Variants in CYP4F12 observed in about 807,000 individuals in gnomAD.
CYP4F12 encodes cytochrome P450 4F12.
Under a neutral mutation model 56.5 loss-of-function variants are expected in CYP4F12, and 60 were observed. That is an observed-to-expected ratio of 1.06 (90% CI 0.86 to 1.32). The LOEUF (loss-of-function observed/expected upper bound fraction) is 1.32. Among genes scored for constraint, CYP4F12 ranks in the 40% most tolerant of loss-of-function variants. The pLI, the probability that CYP4F12 is intolerant of heterozygous loss-of-function variation, is 0.00. For missense variants in CYP4F12, 711 were observed against 683.5 expected (o/e 1.04, Z -0.45); for synonymous variants, 263 against 264.9 (o/e 0.99, Z 0.07).
intron 6 of CYP4F12, among the ~76,000 whole-genome samples, chr19:15,683,172 C>CTGAGT (rs1276720961): frequency 6.6e-6 from 1 of 151,850 alleles, no homozygotes; most frequent in Non-Finnish European, 1.5e-5. Flanking sequence ...AGGATGAAGT[C>CTGAGT]TGAGTTGTGT....
intron 3 of CYP4F12, among the ~76,000 whole-genome samples, chr19:15,679,021 A>G (rs2007138661): frequency 6.6e-6 from 1 of 152,202 alleles, no homozygotes; most frequent in African/African-American, 2.4e-5. Context: ...TATGGGCTTC[A>G]GGATTCTCCA....
At chr19:15,673,812 TTGA>T in intron 2 of CYP4F12, 85 bp downstream of exon 2, 2 of 1,489,078 alleles carry the variant, frequency 1.3e-6, no homozygotes, top group Admixed American at 3.7e-5. Context: ...GAGCTAGGTA[TTGA>T]TGGTGGCTGG....
At position 15,684,595 on chromosome 19, in the gene CYP4F12, C is replaced by T. The variant is rs928235154; in HGVS notation, c.919-221C>T. On this transcript the variant is annotated intron_variant, in intron 7 of 12. Transcript: ENST00000550308. The stretch of plus-strand genomic sequence containing the variant: ...ACCATTGATTCCTGTCACCAGGGTC[C>T]AAAGAGGAGGCAAAGGATCTGGGGG... The T allele has an allele frequency of 1.9e-5, 9 of 477,744 alleles. No individual in the cohort carries two copies. In the Admixed American group the frequency reaches 2.6e-4, roughly 14 times the overall value. 29.6% of individuals were successfully genotyped at this position (477,744 alleles called of 1,614,324 possible). A position where few individuals can be genotyped will look rare whatever the true frequency, so the allele number is the denominator to read the frequency against.
At chr19:15,683,822 G>C in intron 7 of CYP4F12, 59 bp downstream of exon 7, 4 of 1,486,312 alleles carry the variant, frequency 2.7e-6, no homozygotes, top group Non-Finnish European at 3.6e-6. Flanking sequence ...TCAAATGTCA[G>C]GTGAAATAAA....
In CYP4F12 at chr19:15,696,917, C is replaced by T. The variant is rs374923776; in HGVS notation, c.1407C>T (p.Ile469=). ...IPFSAGPRNC[I]GQAFAMAEMK... ...CCACTCCCGCCTGCAGGAACTGCATCGGGCAGGCGTTCGCCATGGCGGAGA... is the reference window on the plus strand; with the variant it reads ...CCACTCCCGCCTGCAGGAACTGCATTGGGCAGGCGTTCGCCATGGCGGAGA... The change falls in exon 13 of 13, where the codon ATC becomes ATT. Residue 469 remains isoleucine, a synonymous_variant. Transcript: ENST00000550308. 1.7e-5 allele frequency: 27 copies of T among 1,612,248 alleles called. No homozygotes were observed. The highest frequency in any genetic ancestry group is 2.2e-5 in the South Asian group (2 of 90,904).
chr19:15,678,489 T>TCG, intron 3 of CYP4F12, 84 bp downstream of exon 3: 1 of 1,529,018 alleles, frequency 6.5e-7, no homozygotes, highest in Admixed American at 1.8e-5. Flanking sequence ...CCTTGAGTAC[T>TCG]CGTGCCCCTC....
chr19:15,678,558 G>A, intron 3 of CYP4F12, 153 bp downstream of exon 3: 1 of 1,100,982 alleles, frequency 9.1e-7, no homozygotes, highest in Non-Finnish European at 1.3e-6. Context: ...CTGTCTTGGT[G>A]TTCTGGGCAC....
At chr19:15,674,669 C>CCTCACTCACTCCTTCCT (rs2006825811) in intron 2 of CYP4F12, among the ~76,000 whole-genome samples, 2 of 107,352 alleles carry the variant, frequency 1.9e-5, no homozygotes, top group Admixed American at 9.2e-5. Context: ...TCATTCCTCT[C>CCTCACTCACTCCTTCCT]CTCACTCACT....
Position 15,680,522 on chromosome 19 carries a change from G to C in CYP4F12, c.525+3G>C, listed in dbSNP as rs1403784164. The C allele has an allele frequency of 3.7e-6, 6 of 1,614,036 alleles. No homozygotes were observed. In the East Asian group the frequency reaches 1.1e-4, roughly 30 times the overall value. ...ACAAGAGTGCAAACATCATGCTTGTGAGTCCCTTGAAGTCTGGGTCCCAGA... is the reference window on the plus strand; with the variant it reads ...ACAAGAGTGCAAACATCATGCTTGTCAGTCCCTTGAAGTCTGGGTCCCAGA... On this transcript the variant is annotated splice_donor_region_variant and intron_variant, in intron 5 of 12. Transcript: ENST00000550308.
chr19:15,696,557 G>A (rs1023281461), intron 12 of CYP4F12, 45 bp downstream of exon 12: 10 of 1,577,916 alleles, frequency 6.3e-6, no homozygotes, highest in South Asian at 1.2e-5. Flanking sequence ...TGATGGGTGC[G>A]GGAGTTAAAA....
intron 6 of CYP4F12, among the ~76,000 whole-genome samples, chr19:15,683,105 A>AGAGAGACAGAGAGAGG (rs2007400717): frequency 6.6e-6 from 1 of 151,800 alleles, no homozygotes; most frequent in African/African-American, 2.4e-5. Flanking sequence ...AGAGAGAGAG[A>AGAGAGACAGAGAGAGG]GAGAAAGAGA....
At position 15,678,302 on chromosome 19, in the gene CYP4F12, G is replaced by A. The variant is rs1212762639; in HGVS notation, c.240G>A (p.Met80Ile). 2 of 1,614,198 alleles carry A rather than the reference G, an allele frequency of 1.2e-6. No individual in the cohort carries two copies. ...AGGGCTTGAAGAACTCGACCCAGAT[G>A]TCGGCCACCTATTCCCAGGGCTTTA... ...TEEGLKNSTQ[M>I]SATYSQGFTV... The change falls in exon 3 of 13, where the codon ATG (methionine) becomes ATA (isoleucine). Residue 80 changes from methionine (M) to isoleucine (I), a missense_variant. Met to Ile is a conservative substitution (Grantham distance 10, BLOSUM62 1). Coordinates refer to ENST00000550308, the MANE Select transcript of CYP4F12 (RefSeq NM_023944.4).
At chr19:15,684,662 G>C (rs2007501277) in intron 7 of CYP4F12, 154 bp from the exon 8 acceptor site, 2 of 716,844 alleles carry the variant, frequency 2.8e-6, no homozygotes, top group African/African-American at 1.8e-5. Context: ...GAACAAGAGA[G>C]ATCTAGACGT....
Position 15,696,054 on chromosome 19 carries a change from C to G in CYP4F12, c.1234C>G (p.Arg412Gly), listed in dbSNP as rs376201019. 1 of 1,613,656 alleles carries G rather than the reference C, an allele frequency of 6.2e-7. No homozygotes were observed. The highest frequency in any genetic ancestry group is 8.5e-7 in the Non-Finnish European group (1 of 1,179,768). ...CTQDIVLPDG[R>G]VIPKGITCLI... ...CCAGGACATTGTTCTCCCAGATGGC[C>G]GAGTCATCCCCAAAGGTGCCCACAG... Residue 412 changes from arginine (R) to glycine (G), a missense_variant, in exon 10 of 13, where the codon CGA becomes GGA. Arg to Gly is a moderately radical substitution (Grantham distance 125). Coordinates refer to ENST00000550308, the MANE Select transcript of CYP4F12 (RefSeq NM_023944.4).
chr19:15,694,927 G>T (rs1473615916), intron 9 of CYP4F12, among the ~76,000 whole-genome samples: 5 of 152,142 alleles, frequency 3.3e-5, no homozygotes, highest in Non-Finnish European at 7.4e-5. Flanking sequence ...GTTCAACCAT[G>T]GTGGAAGTCA....
chr19:15,693,918 T>C (rs2007997516), intron 9 of CYP4F12, among the ~76,000 whole-genome samples: 1 of 140,380 alleles, frequency 7.1e-6, no homozygotes, highest in East Asian at 1.9e-4. Flanking sequence ...GCTAGCCAGT[T>C]TTCCCAGCAC....
intron 9 of CYP4F12, among the ~76,000 whole-genome samples, chr19:15,693,309 A>G (rs1430431308): frequency 7.2e-5 from 11 of 152,234 alleles, no homozygotes; most frequent in Admixed American, 7.2e-4. Context: ...AGCCACTGCA[A>G]AAGAAGAAAG....
intron 7 of CYP4F12, 164 bp downstream of exon 7, chr19:15,683,927 C>T: frequency 1.3e-6 from 1 of 776,898 alleles, no homozygotes; most frequent in Non-Finnish European, 1.9e-6. Flanking sequence ...TTGCATGCAG[C>T]CCACAGGGCA....
In CYP4F12 at chr19:15,680,317, A is replaced by G; in HGVS notation, c.397+20A>G. 6.2e-7 allele frequency: 1 copy of G among 1,613,022 alleles called. No homozygotes were observed. Among genetic ancestry groups the G allele is most frequent in the Non-Finnish European group, 8.5e-7 (1 of 1,179,346 alleles). ...GGCTGGGTGAGTACCTGCAGGTGAAAGGGGTTGGGGACAACCTTGCGGGGA... is the reference window on the plus strand; with the variant it reads ...GGCTGGGTGAGTACCTGCAGGTGAAGGGGGTTGGGGACAACCTTGCGGGGA... On this transcript the variant is annotated intron_variant, in intron 4 of 12. Transcript: ENST00000550308.
Sources: allele counts gnomAD v4.1 joint callset (sites outside exome capture counted in the v4.1 genomes callset), GRCh38; gene constraint gnomAD v4.1.1; transcripts MANE v1.5; gene names NCBI Gene and HGNC (gene_info 2026-07-23, HGNC 2026-07-21).